Variants in ABCC6 observed in about 807,000 individuals in gnomAD.
The protein encoded by ABCC6 is ATP-binding cassette sub-family C member 6.
Under a neutral mutation model 169.5 loss-of-function variants are expected in ABCC6, and 126 were observed. That is an observed-to-expected ratio of 0.74 (90% CI 0.64 to 0.86). ABCC6 has a LOEUF of 0.86. Ranked by LOEUF, ABCC6 falls within the 40% of genes least tolerant of loss-of-function variation. ABCC6 has a pLI of 0.00. For synonymous variants in ABCC6, 752 were observed against 814.7 expected (o/e 0.92, Z 1.31); for missense variants, 1,733 against 1,927.2 (o/e 0.90, Z 1.89).
intron 9 of ABCC6, among the ~76,000 whole-genome samples, chr16:16,201,326 T>C (rs2048229765): frequency 6.6e-6 from 1 of 152,176 alleles, no homozygotes; most frequent in South Asian, 2.1e-4. Context: ...GGCCACCTTA[T>C]CAGAAGGTTA....
intron 1 of ABCC6, among the ~76,000 whole-genome samples, chr16:16,222,059 G>A (rs2049093704): frequency 6.6e-6 from 1 of 152,206 alleles, no homozygotes; most frequent in Non-Finnish European, 1.5e-5. Context: ...GAGAGGTTGA[G>A]TAACTTTGCT....
intron 24 of ABCC6, among the ~76,000 whole-genome samples, chr16:16,162,653 G>C (rs1386341173): frequency 6.6e-6 from 1 of 152,198 alleles, no homozygotes; most frequent in African/African-American, 2.4e-5. Flanking sequence ...ATTTGAACCT[G>C]TGTCTATTTG....
At chr16:16,154,835 T>C (rs1225307635) in intron 28 of ABCC6, 38 bp downstream of exon 28, 1 of 1,610,210 alleles carries the variant, frequency 6.2e-7, no homozygotes, top group Admixed American at 1.7e-5. Context: ...GGTCCCACCA[T>C]GCCTCCCATC....
chr16:16,193,530 A>G (rs1455177823), intron 10 of ABCC6, among the ~76,000 whole-genome samples: 1 of 152,180 alleles, frequency 6.6e-6, no homozygotes, highest in Non-Finnish European at 1.5e-5. Flanking sequence ...CCTGGCCAAC[A>G]TAGTGAAACA....
At chr16:16,178,047 C>T (rs1017293825) in intron 18 of ABCC6, among the ~76,000 whole-genome samples, 16 of 151,784 alleles carry the variant, frequency 1.1e-4, no homozygotes, top group Admixed American at 6.6e-4. Context: ...AATGTACGGC[C>T]GAGCGCAGTG....
chr16:16,154,980 G>T lies in ABCC6; in HGVS notation c.3934C>A (p.Leu1312Met), dbSNP rs1195177013. The change falls in exon 28 of 31, where the codon CTG becomes ATG. Residue 1312 changes from leucine (L) to methionine (M), a missense_variant. This residue lies in a region of ABCC6 where 1,601 missense variants were observed against 1,635.5 expected (regional missense o/e 0.98). Coordinates refer to ENST00000205557, the MANE Select transcript of ABCC6 (RefSeq NM_001171.6). The part of the protein sequence containing the change: ...GAGKSSLASG[L>M]LRLQEAAEGG... Reference sequence around the variant, plus strand: ...TCAGCTGCCTCCTGGAGCCGCAGCAGCCCACTGGCCAGGGAGGACTTCCCT... The same window carrying T: ...TCAGCTGCCTCCTGGAGCCGCAGCATCCCACTGGCCAGGGAGGACTTCCCT... 2 of 1,573,760 alleles carry T rather than the reference G, an allele frequency of 1.3e-6. No homozygotes were observed. Among genetic ancestry groups the T allele is most frequent in the Non-Finnish European group, 8.6e-7 (1 of 1,159,960 alleles).
intron 11 of ABCC6, among the ~76,000 whole-genome samples, chr16:16,192,318 G>A (rs1446734850): frequency 6.6e-6 from 1 of 152,184 alleles, no homozygotes; most frequent in Non-Finnish European, 1.5e-5. Context: ...CGGGCCTGGT[G>A]GGCCACTGTG....
At position 16,169,737 on chromosome 16, in the gene ABCC6, C is replaced by T. The variant is rs72664287; in HGVS notation, c.2904G>A (p.Leu968=). 1,821 of 1,608,628 alleles carry T rather than the reference C, an allele frequency of 1.1e-3. 2 individuals carry two copies. Among genetic ancestry groups the T allele is most frequent in the Non-Finnish European group, 1.3e-3 (1,537 of 1,178,122 alleles). ...CTGCAGGGTCGTCCGCCCACAGGCT[C>T]AGCCAGTAGCCCCGGCAGAAGGAGG... is the stretch of plus-strand genomic sequence containing the variant. ...QVASFCRGYW[L]SLWADDPAVG... The change falls in exon 22 of 31, where the codon CTG becomes CTA. Residue 968 remains leucine (L), a synonymous_variant. Coordinates refer to ENST00000205557, the MANE Select transcript of ABCC6 (RefSeq NM_001171.6).
chr16:16,164,340 G>A (rs2046815537), intron 23 of ABCC6, among the ~76,000 whole-genome samples: 1 of 152,034 alleles, frequency 6.6e-6, no homozygotes, highest in Admixed American at 6.6e-5. Context: ...CCCTAGCCAT[G>A]GTTTTTATCT....
At chr16:16,184,928 G>T (rs779250346) in intron 15 of ABCC6, 31 bp downstream of exon 15, 1 of 1,597,286 alleles carries the variant, frequency 6.3e-7, no homozygotes, top group Non-Finnish European at 8.6e-7. Flanking sequence ...CTAAAAACAT[G>T]AGGCTGGTTA....
chr16:16,197,655 G>T (rs1371193952), intron 10 of ABCC6, among the ~76,000 whole-genome samples: 3 of 144,270 alleles, frequency 2.1e-5, no homozygotes, highest in East Asian at 2.1e-4. Flanking sequence ...AGAGGAGGGG[G>T]TGCGTGGGCA....
intron 17 of ABCC6, among the ~76,000 whole-genome samples, chr16:16,179,181 G>A (rs555607533): frequency 6.6e-6 from 1 of 152,168 alleles, no homozygotes; most frequent in Admixed American, 6.5e-5. Flanking sequence ...TCCCAAGCAC[G>A]CTTCCTGGAG....
chr16:16,206,243 T>C (rs2048387901), intron 7 of ABCC6, among the ~76,000 whole-genome samples: 1 of 152,158 alleles, frequency 6.6e-6, no homozygotes, highest in Non-Finnish European at 1.5e-5. Flanking sequence ...CTGAAGGCCA[T>C]TTAGTGCAGA....
chr16:16,219,808 G>A lies in ABCC6; in HGVS notation c.345+14C>T. The A allele has an allele frequency of 1.3e-6, 2 of 1,498,018 alleles. No individual in the cohort carries two copies. The highest frequency in any genetic ancestry group is 9.1e-7 in the Non-Finnish European group (1 of 1,101,976). The allele number at this position is 1,498,018 out of a possible 1,614,324, so 92.8% of individuals were successfully genotyped here. On this transcript the variant is annotated intron_variant, in intron 3 of 30. Coordinates refer to ENST00000205557, the MANE Select transcript of ABCC6 (RefSeq NM_001171.6). ...CTGGGAGGAAGCCGGGCTCCAGACT[G>A]AAGGCATCATTACCATCGTGGTGAG...
chr16:16,196,672 G>C lies in ABCC6; in HGVS notation c.1338+1349C>G, dbSNP rs971817712. ...CAGAAGGAGGATTTGAGCCTAGGCA[G>C]TTCCCGATACAGAGTCTAATTTTAT... On this transcript the variant is annotated intron_variant, in intron 10 of 30. Coordinates refer to ENST00000205557, the MANE Select transcript of ABCC6 (RefSeq NM_001171.6). Among the ~76,000 whole-genome samples the C allele has an allele frequency of 2.9e-4, 44 of 152,134 alleles. 1 individual carries two copies. Among genetic ancestry groups the C allele is most frequent in the South Asian group, 2.1e-4 (1 of 4,830 alleles).
At chr16:16,189,897 C>T (rs1030495654) in intron 12 of ABCC6, among the ~76,000 whole-genome samples, 5 of 152,196 alleles carry the variant, frequency 3.3e-5, no homozygotes, top group African/African-American at 7.2e-5. Flanking sequence ...CCCCCTGCAT[C>T]TGTACCCTCC....
At chr16:16,158,525 C>A (rs2239327) in intron 26 of ABCC6, among the ~76,000 whole-genome samples, 34,584 of 152,068 alleles carry the variant, frequency 0.23, 4,577 homozygotes, top group Admixed American at 0.28. Context: ...CATCTCTCAC[C>A]ATTTCTTCTA....
chr16:16,193,053 C>T (rs1168546530), intron 10 of ABCC6, 131 bp from the exon 11 acceptor site: 1 of 739,590 alleles, frequency 1.4e-6, no homozygotes, highest in Non-Finnish European at 2.3e-6. Context: ...GCTGCATTCC[C>T]AGACGGTTAG....
chr16:16,181,221 T>A (rs892708612), intron 17 of ABCC6, among the ~76,000 whole-genome samples: 11 of 151,468 alleles, frequency 7.3e-5, no homozygotes, highest in African/African-American at 2.7e-4. Context: ...GGTGGGAGGA[T>A]TGCTTGAACT....
Sources: gnomAD v4.1 joint callset for allele counts (sites outside exome capture counted in the v4.1 genomes callset) on GRCh38, gnomAD v4.1.1 for gene constraint, gnomAD v4.1.1 regional missense constraint, MANE v1.5 for transcripts, NCBI Gene and HGNC (gene_info 2026-07-23, HGNC 2026-07-21) for gene names.